SPATS2L: variants seen among roughly 807,000 people sequenced by gnomAD.
The protein encoded by SPATS2L is spermatogenesis associated serine rich 2 like, also known as SPATS2-like protein.
In SPATS2L, 30 loss-of-function variants were observed where a neutral mutation model predicts 59.6. That is an observed-to-expected ratio of 0.50 (90% CI 0.38 to 0.68). SPATS2L has a LOEUF of 0.68. Ranked by LOEUF, SPATS2L falls within the 30% of genes least tolerant of loss-of-function variation. The pLI is 0.00. For missense variants in SPATS2L, 615 were observed against 700.0 expected (o/e 0.88, Z 1.37); for synonymous variants, 252 against 263.5 (o/e 0.96, Z 0.42).
intron 2 of SPATS2L, among the ~76,000 whole-genome samples, chr2:200,331,499 AAT>A: frequency 6.6e-6 from 1 of 152,334 alleles, no homozygotes; most frequent in South Asian, 2.1e-4. Flanking sequence ...TTGTTATCAA[AAT>A]AACAATAACA....
At chr2:200,476,576 G>A (rs1395371683) in intron 12 of SPATS2L, among the ~76,000 whole-genome samples, 2 of 152,144 alleles carry the variant, frequency 1.3e-5, no homozygotes, top group Non-Finnish European at 2.9e-5. Flanking sequence ...GAGCATGCAG[G>A]TGAGCAGGTG....
At chr2:200,381,544 A>G (rs1484827778) in intron 2 of SPATS2L, among the ~76,000 whole-genome samples, 1 of 152,218 alleles carries the variant, frequency 6.6e-6, no homozygotes, top group Admixed American at 6.5e-5. Flanking sequence ...CTAAGGGCCA[A>G]TTGACGGCAG....
At chr2:200,430,014 C>T (rs552059068) in intron 6 of SPATS2L, among the ~76,000 whole-genome samples, 2 of 152,256 alleles carry the variant, frequency 1.3e-5, no homozygotes, top group South Asian at 2.1e-4. Context: ...TTGATATCCC[C>T]AGGTCAAATA....
chr2:200,459,922 T>A (rs1574659988), intron 9 of SPATS2L, 95 bp downstream of exon 9: 5 of 926,688 alleles, frequency 5.4e-6, no homozygotes, highest in Non-Finnish European at 8.2e-6. Context: ...CTGAACAGGG[T>A]CCTAAAATTT....
intron 2 of SPATS2L, among the ~76,000 whole-genome samples, chr2:200,368,912 A>G (rs756316269): frequency 1.6e-4 from 25 of 152,144 alleles, no homozygotes; most frequent in Non-Finnish European, 3.7e-4. Context: ...ATATGTGTAT[A>G]TGTATAAAAT....
intron 6 of SPATS2L, among the ~76,000 whole-genome samples, chr2:200,426,487 G>GGGAGGCCA (rs1322748101): frequency 6.6e-6 from 1 of 152,172 alleles, no homozygotes; most frequent in Non-Finnish European, 1.5e-5. Flanking sequence ...CCAGCACTTT[G>GGGAGGCCA]GGAGGCCAAG....
chr2:200,318,234 A>G (rs2079444682), intron 1 of SPATS2L, among the ~76,000 whole-genome samples: 1 of 152,162 alleles, frequency 6.6e-6, no homozygotes, highest in African/African-American at 2.4e-5. Flanking sequence ...TGTGATTGCA[A>G]ATGCCCTGAT....
intron 8 of SPATS2L, among the ~76,000 whole-genome samples, chr2:200,453,513 G>A (rs1488239171): frequency 2.0e-5 from 3 of 152,192 alleles, no homozygotes; most frequent in Admixed American, 2.0e-4. Flanking sequence ...GTACTCATGG[G>A]AACAGTACAT....
chr2:200,420,524 T>C (rs540090379), intron 6 of SPATS2L, among the ~76,000 whole-genome samples: 1 of 152,352 alleles, frequency 6.6e-6, no homozygotes, highest in South Asian at 2.1e-4. Context: ...TATATTTGTA[T>C]ATAACATGGA....
intron 7 of SPATS2L, among the ~76,000 whole-genome samples, chr2:200,439,997 A>G (rs2084580109): frequency 6.6e-6 from 1 of 151,994 alleles, no homozygotes; most frequent in Non-Finnish European, 1.5e-5. Context: ...CTACTTTCTC[A>G]TTTTTCTTGA....
chr2:200,409,375 A>T (rs879021854), intron 3 of SPATS2L, among the ~76,000 whole-genome samples: 1 of 151,032 alleles, frequency 6.6e-6, no homozygotes, highest in African/African-American at 2.5e-5. Context: ...TTTTTTTTTT[A>T]GATTAAGATG....
intron 2 of SPATS2L, among the ~76,000 whole-genome samples, chr2:200,338,479 A>G (rs1410885218): frequency 1.3e-5 from 2 of 152,218 alleles, no homozygotes; most frequent in Non-Finnish European, 2.9e-5. Context: ...GAGAGCTGCA[A>G]AAAACCTGAA....
Position 200,477,728 on chromosome 2 carries a change from A to G in SPATS2L, c.1374A>G (p.Glu458=), listed in dbSNP as rs2087650399. ...GPAKSQGSGN[E]AEPLGKGNSR... is the part of the protein sequence containing the mutation. The stretch of plus-strand genomic sequence containing the variant: ...CCAAGTCGCAGGGCAGTGGGAATGA[A>G]GCCGAGCCACTGGGAAAGGGCAACA... The change falls in exon 13 of 13, where the codon GAA becomes GAG. Residue 458 remains glutamate, a synonymous_variant. Transcript: ENST00000409140. 6.4e-7 allele frequency: 1 copy of G among 1,564,562 alleles called. No individual in the cohort carries two copies. The highest frequency in any genetic ancestry group is 8.7e-7 in the Non-Finnish European group (1 of 1,154,720).
intron 4 of SPATS2L, among the ~76,000 whole-genome samples, chr2:200,412,769 C>T (rs2082923446): frequency 6.6e-6 from 1 of 152,102 alleles, no homozygotes; most frequent in African/African-American, 2.4e-5. Context: ...TTAAATGTGT[C>T]CTTGGCCAGC....
intron 8 of SPATS2L, among the ~76,000 whole-genome samples, chr2:200,454,758 T>G (rs2106167292): frequency 6.6e-6 from 1 of 152,258 alleles, no homozygotes; most frequent in South Asian, 2.1e-4. Context: ...TCCGCGTGGA[T>G]TTTACGGGAA....
intron 2 of SPATS2L, among the ~76,000 whole-genome samples, chr2:200,336,764 A>G (rs1259609477): frequency 6.6e-6 from 1 of 152,210 alleles, no homozygotes; most frequent in Non-Finnish European, 1.5e-5. Flanking sequence ...AACTCCCAAA[A>G]CAATTCAAAC....
intron 3 of SPATS2L, chr2:200,393,221 A>T (rs1027789719): frequency 2.2e-6 from 1 of 456,784 alleles, no homozygotes; most frequent in Admixed American, 2.3e-5. Flanking sequence ...TTAAAGAATC[A>T]GACTCATAGC....
At chr2:200,462,659 T>C (rs922671411) in intron 9 of SPATS2L, among the ~76,000 whole-genome samples, 1 of 152,178 alleles carries the variant, frequency 6.6e-6, no homozygotes, top group Non-Finnish European at 1.5e-5. Context: ...CTCACACATA[T>C]AATCTCAGAC....
intron 3 of SPATS2L, among the ~76,000 whole-genome samples, chr2:200,407,345 G>A (rs1261454928): frequency 6.6e-6 from 1 of 152,136 alleles, no homozygotes; most frequent in Admixed American, 6.5e-5. Flanking sequence ...CATGACATTT[G>A]GCTCTCTATA....
Sources: gnomAD v4.1 joint callset for allele counts (sites outside exome capture counted in the v4.1 genomes callset) on GRCh38, gnomAD v4.1.1 for gene constraint, MANE v1.5 for transcripts, NCBI Gene and HGNC (gene_info 2026-07-23, HGNC 2026-07-21) for gene names.